Variants in ACYP2 observed in about 807,000 individuals in gnomAD.
ACYP2 encodes acylphosphatase 2.
In ACYP2, 12 loss-of-function variants were observed where a neutral mutation model predicts 11.2. The observed-to-expected ratio is 1.08, with a 90% CI of 0.69 to 1.74. ACYP2 has a LOEUF of 1.74. Among genes scored for constraint, ACYP2 ranks in the 40% most tolerant of loss-of-function variants. ACYP2 has a pLI of 0.00. For synonymous variants in ACYP2, 43 were observed against 32.2 expected (o/e 1.33, Z -1.13); for missense variants, 134 against 101.9 (o/e 1.31, Z -1.35).
intron 2 of ACYP2, among the ~76,000 whole-genome samples, chr2:54,017,616 A>G (rs540602819): frequency 6.0e-4 from 92 of 152,214 alleles, no homozygotes; most frequent in Non-Finnish European, 7.9e-4. Context: ...AAATTTCTTT[A>G]AAATATATTT....
chr2:54,138,862 G>C, intron 6 of ACYP2, 114 bp downstream of exon 3: 1 of 784,994 alleles, frequency 1.3e-6, no homozygotes, highest in South Asian at 1.8e-5. Flanking sequence ...GCACAATCTC[G>C]GCTCACTACA....
intron 2 of ACYP2, among the ~76,000 whole-genome samples, chr2:54,044,746 A>AT (rs199842712): frequency 7.9e-5 from 12 of 151,204 alleles, no homozygotes; most frequent in Admixed American, 1.3e-4. Flanking sequence ...TGACACCACC[A>AT]TTTTTTTTTC....
At chr2:54,199,847 G>A (rs1054998336) in intron 6 of ACYP2, among the ~76,000 whole-genome samples, 2 of 152,172 alleles carry the variant, frequency 1.3e-5, no homozygotes, top group African/African-American at 2.4e-5. Context: ...TCTGTCATGC[G>A]GGACCCACGC....
intron 6 of ACYP2, among the ~76,000 whole-genome samples, chr2:54,298,915 C>A (rs1014988063): frequency 6.6e-6 from 1 of 152,200 alleles, no homozygotes; most frequent in African/African-American, 2.4e-5. Flanking sequence ...CCATGCCCAG[C>A]TACTTTTTTT....
intron 6 of ACYP2, among the ~76,000 whole-genome samples, chr2:54,226,957 C>T (rs1485078839): frequency 5.9e-5 from 9 of 152,118 alleles, no homozygotes; most frequent in African/African-American, 1.4e-4. Context: ...TTAATCAACA[C>T]ATTTGGCTTA....
chr2:54,255,617 C>T (rs746760341), intron 6 of ACYP2: 2 of 1,613,652 alleles, frequency 1.2e-6, no homozygotes, highest in Admixed American at 3.3e-5. Flanking sequence ...TCATCTATTG[C>T]TCTGTTTTCT....
intron 6 of ACYP2, among the ~76,000 whole-genome samples, chr2:54,294,401 A>G (rs1161345562): frequency 6.6e-6 from 1 of 152,066 alleles, no homozygotes; most frequent in Non-Finnish European, 1.5e-5. Context: ...CAGTTTTCAA[A>G]TGGAGTCCCT....
intron 4 of ACYP2, among the ~76,000 whole-genome samples, chr2:54,117,986 T>G (rs961880146): frequency 1.3e-5 from 2 of 152,194 alleles, no homozygotes; most frequent in African/African-American, 2.4e-5. Context: ...TGCATCCTTA[T>G]AGCTTAGCTC....
intron 6 of ACYP2, among the ~76,000 whole-genome samples, chr2:54,232,155 C>T (rs1019370036): frequency 1.3e-5 from 2 of 152,150 alleles, no homozygotes; most frequent in African/African-American, 4.8e-5. Context: ...ATATACACAA[C>T]TGGATAATTC....
In ACYP2 at chr2:54,069,400, T is replaced by C. The variant is rs796823595; in HGVS notation, c.277+12040T>C. Among the ~76,000 whole-genome samples the C allele has an allele frequency of 4.0e-5, 6 of 151,666 alleles. 1 individual carries two copies. Among genetic ancestry groups the C allele is most frequent in the African/African-American group, 1.4e-4 (6 of 41,406 alleles). On this transcript the variant is annotated intron_variant, in intron 4 of 6. Coordinates refer to ENST00000607452, the MANE Select transcript of ACYP2 (RefSeq NM_001320586.2). ...AATACAGGCTGGGCACGGTGGCTCA[T>C]GCCTGTAATCCCAGCACTTTGGGAG...
intron 6 of ACYP2, chr2:54,253,240 A>G (rs1024785983): frequency 2.0e-5 from 3 of 152,252 alleles, no homozygotes; most frequent in African/African-American, 7.2e-5. Flanking sequence ...TCCGCATCAG[A>G]TAAGACCAAG....
chr2:54,221,938 C>A (rs1257140812), intron 6 of ACYP2, among the ~76,000 whole-genome samples: 1 of 152,094 alleles, frequency 6.6e-6, no homozygotes, highest in Non-Finnish European at 1.5e-5. Flanking sequence ...ACATAGGAAC[C>A]ATGGCTGGCA....
intron 2 of ACYP2, among the ~76,000 whole-genome samples, chr2:53,974,888 A>G (rs1218409798): frequency 6.6e-6 from 1 of 151,986 alleles, no homozygotes; most frequent in Non-Finnish European, 1.5e-5. Flanking sequence ...AAGTGAAGAG[A>G]GTAGAGAGCT....
intron 6 of ACYP2, among the ~76,000 whole-genome samples, chr2:54,224,372 A>T (rs1572958632): frequency 6.6e-6 from 1 of 152,228 alleles, no homozygotes; most frequent in Admixed American, 6.5e-5. Flanking sequence ...TTCAGCAGAG[A>T]AAGGATGCGG....
rs539833719 is a variant in ACYP2, at chr2:54,108,479, A to G, written c.278-26974A>G. Among the ~76,000 whole-genome samples, 22 of 152,344 alleles carry G rather than the reference A, an allele frequency of 1.4e-4. No homozygotes were observed. In the South Asian group the frequency reaches 4.6e-3, roughly 32 times the overall value. On this transcript the variant is annotated intron_variant, in intron 4 of 6. Transcript: ENST00000607452. ...GAGTTTAAGTGTGTGTGAACTAAGA[A>G]GAAATCAGGACGAATCTCTTCCCCG...
intron 6 of ACYP2, among the ~76,000 whole-genome samples, chr2:54,274,233 C>T (rs1688444931): frequency 6.6e-6 from 1 of 152,118 alleles, no homozygotes; most frequent in Non-Finnish European, 1.5e-5. Context: ...CTTATAATAA[C>T]CATCAGATCT....
intron 6 of ACYP2, among the ~76,000 whole-genome samples, chr2:54,168,905 AAAT>A (rs1410435713): frequency 5.9e-5 from 9 of 152,234 alleles, no homozygotes; most frequent in African/African-American, 2.2e-4. Flanking sequence ...GCTTTCACTT[AAAT>A]GGCCTATAAA....
At chr2:53,994,029 G>A (rs1181882030) in intron 2 of ACYP2, among the ~76,000 whole-genome samples, 4 of 151,490 alleles carry the variant, frequency 2.6e-5, no homozygotes, top group East Asian at 3.9e-4. Context: ...ACTAAAAATC[G>A]TACAAAATAT....
chr2:54,130,530 A>G (rs987914172), intron 4 of ACYP2, among the ~76,000 whole-genome samples: 13 of 152,192 alleles, frequency 8.5e-5, no homozygotes, highest in African/African-American at 3.1e-4. Context: ...TGGGTGCTTT[A>G]TGGAGAATAC....
Sources: gnomAD v4.1 joint callset for allele counts (sites outside exome capture counted in the v4.1 genomes callset) on GRCh38, gnomAD v4.1.1 for gene constraint, MANE v1.5 for transcripts, NCBI Gene and HGNC (gene_info 2026-07-23, HGNC 2026-07-21) for gene names.